OBI1: variants seen among roughly 807,000 people sequenced by gnomAD.
OBI1 encodes the protein ring finger protein 219.
OBI1 carries 59 observed loss-of-function variants against 62.4 expected under a neutral mutation model. The ratio of observed to expected loss-of-function variants is 0.95; its 90% CI spans 0.77 to 1.17. The LOEUF is 1.17. Ranked by LOEUF, OBI1 falls within the 50% of genes most tolerant of loss-of-function variation. OBI1 has a pLI of 0.00. For synonymous variants in OBI1, 302 were observed against 292.8 expected (o/e 1.03, Z -0.32); for missense variants, 875 against 830.9 (o/e 1.05, Z -0.65).
At chr13:78,656,792 ATTT>A (rs869148028) in intron 1 of OBI1, among the ~76,000 whole-genome samples, 144 of 67,172 alleles carry the variant, frequency 2.1e-3, no homozygotes, top group African/African-American at 7.2e-3. Context: ...TTTATTTTTA[ATTT>A]TTTTTTTTTT....
chr13:78,649,938 G>C (rs920211924), intron 1 of OBI1, among the ~76,000 whole-genome samples: 2 of 152,198 alleles, frequency 1.3e-5, no homozygotes, highest in Non-Finnish European at 2.9e-5. Flanking sequence ...AGCTGAAAAC[G>C]AGAAGGGAAG....
intron 5 of OBI1, 92 bp downstream of exon 5, chr13:78,635,018 A>G (rs942131277): frequency 4.6e-5 from 32 of 691,594 alleles, no homozygotes; most frequent in Middle Eastern, 2.5e-4. Flanking sequence ...ACATGATTAA[A>G]TGAAGAGTCA....
At position 78,616,065 on chromosome 13, in the gene OBI1, C is replaced by T. The variant is rs756195575; in HGVS notation, c.1696G>A (p.Gly566Arg). 7 of 1,614,100 alleles carry T rather than the reference C, an allele frequency of 4.3e-6. No homozygotes were observed. Among genetic ancestry groups the T allele is most frequent in the Admixed American group, 1.7e-5 (1 of 60,022 alleles). Residue 566 changes from glycine (G) to arginine (R), a missense_variant, in exon 6 of 6, where the codon GGG (glycine) becomes AGG (arginine). Gly to Arg is a moderately radical substitution (Grantham distance 125). Coordinates refer to ENST00000282003, the MANE Select transcript of OBI1 (RefSeq NM_024546.4). ...NNGFKSLDLD[G>R]LSKSSQGSEF... is the part of the protein sequence containing the mutation. ...CTGCCTTGAGATGACTTTGATAACC[C>T]ATCCAAATCCAGTGACTTAAAACCG...
At chr13:78,657,663 A>T (rs1876751950) in intron 1 of OBI1, among the ~76,000 whole-genome samples, 1 of 152,232 alleles carries the variant, frequency 6.6e-6, no homozygotes, top group South Asian at 2.1e-4. Context: ...TGCAAAAGAC[A>T]GCCTATAACT....
At chr13:78,657,185 G>C (rs1180012253) in intron 1 of OBI1, among the ~76,000 whole-genome samples, 1 of 151,842 alleles carries the variant, frequency 6.6e-6, no homozygotes, top group Admixed American at 6.6e-5. Flanking sequence ...TGAAGCATGT[G>C]CAAAGTTTAG....
intron 5 of OBI1, among the ~76,000 whole-genome samples, chr13:78,628,076 A>G (rs1875732372): frequency 6.6e-6 from 1 of 152,240 alleles, no homozygotes; most frequent in Non-Finnish European, 1.5e-5. Context: ...AGACAATTTC[A>G]GACAGTGATA....
At position 78,644,788 on chromosome 13, in the gene OBI1, G is replaced by A. The variant is rs1215004411; in HGVS notation, c.208+74C>T. On this transcript the variant is annotated intron_variant, in intron 2 of 5. Transcript: ENST00000282003. ...GCATCACTGAAAATAGCCTATTTCA[G>A]TCTTCCTCGAAATATAAATTATTTG... 4 of 1,492,126 alleles carry A rather than the reference G, an allele frequency of 2.7e-6. No homozygotes were observed. The East Asian group carries it at 9.0e-5, about 34-fold the overall frequency. 92.4% of individuals were successfully genotyped at this position (1,492,126 alleles called of 1,614,324 possible). A position where few individuals can be genotyped will look rare whatever the true frequency, so the allele number is the denominator to read the frequency against.
At chr13:78,627,993 AG>A (rs556495308) in intron 5 of OBI1, among the ~76,000 whole-genome samples, 4 of 149,948 alleles carry the variant, frequency 2.7e-5, no homozygotes, top group African/African-American at 1.0e-4. Context: ...CAAGGAGCTT[AG>A]AGTTTAAAAT....
At chr13:78,635,058 G>T in intron 5 of OBI1, 52 bp downstream of exon 5, 2 of 1,089,224 alleles carry the variant, frequency 1.8e-6, no homozygotes, top group Non-Finnish European at 2.7e-6. Context: ...CAGCAGCCTA[G>T]TCTAAAATAT....
intron 3 of OBI1, 37 bp downstream of exon 3, chr13:78,642,085 A>T: frequency 1.6e-6 from 2 of 1,253,458 alleles, no homozygotes; most frequent in Non-Finnish European, 2.3e-6. Flanking sequence ...CCTTGAATTC[A>T]CTGCTAACAT....
At chr13:78,623,697 T>G (rs1478514366) in intron 5 of OBI1, among the ~76,000 whole-genome samples, 1 of 152,200 alleles carries the variant, frequency 6.6e-6, no homozygotes, top group African/African-American at 2.4e-5. Flanking sequence ...CTAGGCAAAA[T>G]GTGTATACAG....
At chr13:78,624,551 C>T (rs1379382390) in intron 5 of OBI1, among the ~76,000 whole-genome samples, 2 of 152,104 alleles carry the variant, frequency 1.3e-5, no homozygotes, top group Non-Finnish European at 2.9e-5. Context: ...CACTGCAGAA[C>T]AAAATTTTAA....
intron 4 of OBI1, among the ~76,000 whole-genome samples, chr13:78,637,606 A>T (rs1876068950): frequency 6.6e-6 from 1 of 152,244 alleles, no homozygotes. Flanking sequence ...ATTAAAGGGA[A>T]CAAGGCAAAT....
At chr13:78,640,485 A>T (rs1876179789) in intron 3 of OBI1, among the ~76,000 whole-genome samples, 1 of 152,150 alleles carries the variant, frequency 6.6e-6, no homozygotes, top group African/African-American at 2.4e-5. Context: ...TCCACAGATG[A>T]TGAATCCTTG....
Position 78,634,073 on chromosome 13 carries a change from CAAAAAACAAAAAACAAAAAACAAAAAA to C in OBI1, c.638+1010_638+1036del, listed in dbSNP as rs952421512. Among the ~76,000 whole-genome samples, 9 of 98,554 alleles carry C rather than the reference CAAAAAACAAAAAACAAAAAACAAAAAA, an allele frequency of 9.1e-5. No homozygotes were observed. In the South Asian group the frequency reaches 1.7e-3, roughly 19 times the overall value. The allele number at this position is 98,554 out of a possible 152,430, so 64.7% of individuals were successfully genotyped here. ...ACAGAGCAAGACTCCGTCTCAAAAA[CAAAAAACAAAAAACAAAAAACAAAAAA>C]AAAAAACAAAAAACAAACAACAAAA... On this transcript the variant is annotated intron_variant, in intron 5 of 5. Coordinates refer to ENST00000282003, the MANE Select transcript of OBI1 (RefSeq NM_024546.4).
At chr13:78,653,719 T>A (rs1056077237) in intron 1 of OBI1, among the ~76,000 whole-genome samples, 1 of 152,204 alleles carries the variant, frequency 6.6e-6, no homozygotes, top group African/African-American at 2.4e-5. Context: ...CTTGCAATTA[T>A]ATCTATTATA....
intron 5 of OBI1, among the ~76,000 whole-genome samples, chr13:78,634,216 C>A (rs556326075): frequency 2.0e-5 from 3 of 151,480 alleles, no homozygotes; most frequent in Non-Finnish European, 4.4e-5. Context: ...GTCCTAAATT[C>A]TATTTCAGAT....
At chr13:78,632,946 C>G (rs1875898612) in intron 5 of OBI1, among the ~76,000 whole-genome samples, 1 of 152,194 alleles carries the variant, frequency 6.6e-6, no homozygotes, top group Non-Finnish European at 1.5e-5. Flanking sequence ...TTTCTGAGCG[C>G]AGACAGAGGC....
chr13:78,642,186 A>C lies in OBI1; in HGVS notation c.236T>G (p.Leu79Arg). 1 of 1,609,050 alleles carries C rather than the reference A, an allele frequency of 6.2e-7. No individual in the cohort carries two copies. The highest frequency in any genetic ancestry group is 8.5e-7 in the Non-Finnish European group (1 of 1,175,930). The change falls in exon 3 of 6, where the codon CTA (leucine) becomes CGA (arginine). Residue 79 changes from leucine (L) to arginine (R), a missense_variant. Coordinates refer to ENST00000282003, the MANE Select transcript of OBI1 (RefSeq NM_024546.4). ...IGGTSESEPM[L>R]SHTVRKHLRK... is the part of the protein sequence containing the mutation. ...AAGATGCTTCCTGACCGTATGGCTTAGCATAGGTTCACTTTCACTTGTTCC... is the reference window on the plus strand; with the variant it reads ...AAGATGCTTCCTGACCGTATGGCTTCGCATAGGTTCACTTTCACTTGTTCC...
Sources: allele counts gnomAD v4.1 joint callset (sites outside exome capture counted in the v4.1 genomes callset), GRCh38; gene constraint gnomAD v4.1.1; transcripts MANE v1.5; gene names NCBI Gene and HGNC (gene_info 2026-07-23, HGNC 2026-07-21).